SGCD: variants seen among roughly 807,000 people sequenced by gnomAD.
The protein encoded by SGCD is sarcoglycan delta.
SGCD carries 18 observed loss-of-function variants against 36.6 expected under a neutral mutation model. The ratio of observed to expected loss-of-function variants is 0.49; its 90% confidence interval spans 0.34 to 0.73. The LOEUF (loss-of-function observed/expected upper bound fraction) is 0.73. SGCD is among the 30% of genes least tolerant of loss of function. The probability of loss-of-function intolerance (pLI) is 0.01; values close to 1 mark genes in which losing one functional copy is unlikely to be tolerated. For missense variants in SGCD, 387 were observed against 346.7 expected, an observed-to-expected ratio of 1.12 and a Z score of -0.92; for synonymous variants, 133 against 130.6, an observed-to-expected ratio of 1.02 and a Z score of -0.12.
chr5:156,339,473 T>C (rs1317434333), intron 2 of SGCD, among the ~76,000 whole-genome samples: 1 of 152,242 alleles, frequency 6.6e-6, no homozygotes, highest in African/African-American at 2.4e-5. Context: ...CTTTACTGTT[T>C]AACGTTGGCT....
intron 7 of SGCD, among the ~76,000 whole-genome samples, chr5:156,744,899 A>G (rs1219081251): frequency 2.0e-5 from 3 of 152,204 alleles, no homozygotes; most frequent in African/African-American, 4.8e-5. Flanking sequence ...CCAGTGCAAC[A>G]CAGATGGTAG....
intron 3 of SGCD, among the ~76,000 whole-genome samples, chr5:156,401,125 G>A (rs1010035593): frequency 6.6e-5 from 10 of 152,192 alleles, no homozygotes; most frequent in Admixed American, 3.9e-4. Context: ...GATTAGAGCA[G>A]AGGTTTCCAA....
chr5:156,325,738 T>G (rs772390605), upstream of SGCD, among the ~76,000 whole-genome samples: 3 of 152,182 alleles, frequency 2.0e-5, no homozygotes, highest in Non-Finnish European at 4.4e-5. Context: ...CTCTGTAAAA[T>G]GAAGGGTGGA....
At chr5:156,743,426 T>C (rs568790307) in intron 7 of SGCD, among the ~76,000 whole-genome samples, 2 of 152,338 alleles carry the variant, frequency 1.3e-5, no homozygotes, top group African/African-American at 4.8e-5. Context: ...CTCTTATTAA[T>C]ACCACATTAT....
intron 1 of SGCD, among the ~76,000 whole-genome samples, chr5:156,106,813 A>T (rs1477451193): frequency 1.3e-5 from 2 of 152,222 alleles, no homozygotes; most frequent in Non-Finnish European, 2.9e-5. Flanking sequence ...AGTGATGTTG[A>T]GTATATGAAA....
intron 3 of SGCD, among the ~76,000 whole-genome samples, chr5:156,149,877 G>A (rs1213434922): frequency 6.6e-6 from 1 of 152,282 alleles, no homozygotes; most frequent in Non-Finnish European, 1.5e-5. Context: ...GTGGGCTAAC[G>A]GAAATGTACT....
the SGCD span, among the ~76,000 whole-genome samples, chr5:155,856,909 A>G: frequency 6.6e-6 from 1 of 152,180 alleles, no homozygotes; most frequent in Admixed American, 6.5e-5. Flanking sequence ...AGATAGTGCA[A>G]CCACTTCGAA....
intron 3 of SGCD, among the ~76,000 whole-genome samples, chr5:156,434,821 T>G (rs1219293912): frequency 1.3e-5 from 2 of 152,180 alleles, no homozygotes; most frequent in Non-Finnish European, 2.9e-5. Flanking sequence ...TAGACAAAAA[T>G]GTTAATTTAA....
chr5:156,423,407 T>G lies in SGCD; in HGVS notation c.192+78730T>G, dbSNP rs1229603440. Among the ~76,000 whole-genome samples the G allele has an allele frequency of 4.1e-5, 5 of 121,724 alleles. No individual in the cohort carries two copies. The South Asian group carries it at 1.1e-3, about 27-fold the overall frequency. 79.9% of individuals were successfully genotyped at this position (121,724 alleles called of 152,430 possible). A position where few individuals can be genotyped will look rare whatever the true frequency, so the allele number is the denominator to read the frequency against. On this transcript the variant is annotated intron_variant, in intron 3 of 8. Transcript: ENST00000337851. ...TATAATATATTATATTTTATTATAA[T>G]ATAATATATTATATTTTAATAAAAT... is the stretch of plus-strand genomic sequence containing the variant.
At chr5:155,869,913 C>T (rs535778812), upstream of SGCD, among the ~76,000 whole-genome samples, 6 of 152,188 alleles carry the variant, frequency 3.9e-5, no homozygotes, top group Admixed American at 2.0e-4. Flanking sequence ...GCAGGAGAAT[C>T]GCTTGAACCC....
chr5:156,582,301 A>G (rs1334019949), intron 4 of SGCD, among the ~76,000 whole-genome samples: 3 of 152,136 alleles, frequency 2.0e-5, no homozygotes, highest in Non-Finnish European at 2.9e-5. Context: ...GGGTTGTTAC[A>G]TGAGTGTTAA....
chr5:156,097,412 G>A (rs915254845), intron 1 of SGCD, among the ~76,000 whole-genome samples: 8 of 151,670 alleles, frequency 5.3e-5, no homozygotes, highest in South Asian at 2.1e-4. Flanking sequence ...TTTATTTTCC[G>A]GTCTATTCTT....
chr5:156,674,583 CTA>C (rs1383503668), intron 7 of SGCD, among the ~76,000 whole-genome samples: 1 of 152,116 alleles, frequency 6.6e-6, no homozygotes, highest in Non-Finnish European at 1.5e-5. Flanking sequence ...CATAGGAAGA[CTA>C]TCATAGAGAT....
At chr5:156,079,065 C>T (rs1760878513) in intron 1 of SGCD, among the ~76,000 whole-genome samples, 1 of 149,962 alleles carries the variant, frequency 6.7e-6, no homozygotes, top group Admixed American at 6.6e-5. Context: ...CACAGTTCTG[C>T]AGGCTATATA....
At chr5:156,043,233 TC>T (rs1259181507) in intron 1 of SGCD, among the ~76,000 whole-genome samples, 6 of 152,138 alleles carry the variant, frequency 3.9e-5, no homozygotes, top group African/African-American at 1.4e-4. Flanking sequence ...GCTAAATGCA[TC>T]CTTAGAGCAT....
intron 4 of SGCD, among the ~76,000 whole-genome samples, chr5:156,561,345 GC>G (rs1759259454): frequency 6.6e-6 from 1 of 152,166 alleles, no homozygotes; most frequent in South Asian, 2.1e-4. Context: ...CATTTTTGAA[GC>G]CATGACTAGA....
intron 7 of SGCD, among the ~76,000 whole-genome samples, chr5:156,698,872 C>CACACAGACACACACAG (rs1392633205): frequency 1.3e-5 from 2 of 150,980 alleles, no homozygotes; most frequent in African/African-American, 4.9e-5. Context: ...CACACACACA[C>CACACAGACACACACAG]ACACACACAG....
chr5:156,474,140 G>A (rs1755084253), intron 3 of SGCD, among the ~76,000 whole-genome samples: 1 of 152,082 alleles, frequency 6.6e-6, no homozygotes, highest in Non-Finnish European at 1.5e-5. Context: ...ACATGGGTAG[G>A]GGTTGGCATG....
At chr5:156,465,800 C>T (rs138322435) in intron 3 of SGCD, among the ~76,000 whole-genome samples, 10 of 152,260 alleles carry the variant, frequency 6.6e-5, no homozygotes, top group African/African-American at 2.4e-4. Context: ...GATTTGGCAC[C>T]GGAGGAAATT....
Sources: gnomAD v4.1 joint callset for allele counts (sites outside exome capture counted in the v4.1 genomes callset) on GRCh38, gnomAD v4.1.1 for gene constraint, MANE v1.5 for transcripts, NCBI Gene and HGNC (gene_info 2026-07-23, HGNC 2026-07-21) for gene names.